CCDC102B: variants seen among roughly 807,000 people sequenced by gnomAD.
The protein encoded by CCDC102B is coiled-coil domain containing 102B, also known as coiled-coil domain-containing protein 102B.
In CCDC102B, 75 loss-of-function variants were observed where a neutral mutation model predicts 57.4. That is an observed-to-expected ratio of 1.31 (90% confidence interval 1.08 to 1.58). The LOEUF (loss-of-function observed/expected upper bound fraction) is 1.58. Ranked by LOEUF, CCDC102B falls within the 40% of genes most tolerant of loss-of-function variation. The pLI is 0.00. For missense variants in CCDC102B, 636 were observed against 582.6 expected (o/e 1.09, Z -0.94); for synonymous variants, 206 against 201.9 (o/e 1.02, Z -0.17).
intron 3 of CCDC102B, among the ~76,000 whole-genome samples, chr18:68,844,363 G>T (rs1019842196): frequency 1.3e-5 from 2 of 150,206 alleles, no homozygotes; most frequent in Non-Finnish European, 3.0e-5. Context: ...TTACACAAAT[G>T]CAGTTAATTA....
intron 6 of CCDC102B, among the ~76,000 whole-genome samples, chr18:68,998,989 T>TAGAG (rs2051116959): frequency 5.3e-5 from 4 of 75,130 alleles, no homozygotes; most frequent in African/African-American, 1.9e-4. Flanking sequence ...TATATATATA[T>TAGAG]ATATATATAT....
At chr18:69,004,334 A>G (rs1007476971) in intron 6 of CCDC102B, among the ~76,000 whole-genome samples, 1 of 152,278 alleles carries the variant, frequency 6.6e-6, no homozygotes, top group East Asian at 1.9e-4. Flanking sequence ...ATGGGACCTC[A>G]GCTGATCCTT....
chr18:68,960,937 T>G (rs770848833), intron 6 of CCDC102B, among the ~76,000 whole-genome samples: 1 of 152,156 alleles, frequency 6.6e-6, no homozygotes, highest in African/African-American at 2.4e-5. Flanking sequence ...TTCCTTAATA[T>G]GATGTGTTAA....
intron 5 of CCDC102B, among the ~76,000 whole-genome samples, chr18:68,891,322 T>C (rs561326603): frequency 2.1e-4 from 32 of 152,348 alleles, no homozygotes; most frequent in African/African-American, 7.7e-4. Context: ...CAAATTGATA[T>C]ATAGTTACTT....
At chr18:68,903,485 G>A (rs2040521196) in intron 6 of CCDC102B, among the ~76,000 whole-genome samples, 1 of 152,072 alleles carries the variant, frequency 6.6e-6, no homozygotes, top group South Asian at 2.1e-4. Flanking sequence ...ATGTAGAATT[G>A]CAATTTCCAG....
At chr18:68,832,004 A>G (rs1405634476) in intron 1 of CCDC102B, among the ~76,000 whole-genome samples, 1 of 152,028 alleles carries the variant, frequency 6.6e-6, no homozygotes, top group Admixed American at 6.6e-5. Flanking sequence ...TATCTATCAT[A>G]ATGGTTGTTT....
chr18:68,997,527 T>C (rs972218856), intron 6 of CCDC102B, among the ~76,000 whole-genome samples: 2 of 152,168 alleles, frequency 1.3e-5, no homozygotes, highest in Non-Finnish European at 2.9e-5. Flanking sequence ...TTATAAAATA[T>C]ACATGTAAAA....
At chr18:69,050,272 G>A (rs750622865) in intron 7 of CCDC102B, among the ~76,000 whole-genome samples, 17 of 152,142 alleles carry the variant, frequency 1.1e-4, no homozygotes, top group African/African-American at 2.7e-4. Flanking sequence ...ATGCTCACGC[G>A]TATCACCCTT....
chr18:68,749,832 A>G (rs1205046207), intron 2 of CCDC102B, among the ~76,000 whole-genome samples: 2 of 152,184 alleles, frequency 1.3e-5, no homozygotes, highest in Non-Finnish European at 2.9e-5. Context: ...AAACCCTAGA[A>G]TAAAACCTAG....
At chr18:68,967,095 A>C (rs150438306) in intron 6 of CCDC102B, among the ~76,000 whole-genome samples, 2 of 152,284 alleles carry the variant, frequency 1.3e-5, no homozygotes, top group Non-Finnish European at 2.9e-5. Context: ...AAACACCTGC[A>C]AGAGCTGAAA....
intron 2 of CCDC102B, among the ~76,000 whole-genome samples, chr18:68,770,513 A>G (rs2034604403): frequency 6.6e-6 from 1 of 152,210 alleles, no homozygotes; most frequent in Non-Finnish European, 1.5e-5. Context: ...CTCTGCTTCC[A>G]TGACGCCAAG....
chr18:68,904,714 A>T (rs942409483), intron 6 of CCDC102B, among the ~76,000 whole-genome samples: 2 of 152,110 alleles, frequency 1.3e-5, no homozygotes, highest in Non-Finnish European at 2.9e-5. Context: ...CACAGAATTG[A>T]ATTTTACCAA....
chr18:69,002,234 G>GC (rs1360465854), intron 6 of CCDC102B, among the ~76,000 whole-genome samples: 9 of 152,108 alleles, frequency 5.9e-5, no homozygotes, highest in African/African-American at 2.2e-4. Flanking sequence ...TTTCTTGCCC[G>GC]CCCGACATGT....
intron 6 of CCDC102B, among the ~76,000 whole-genome samples, chr18:68,934,085 A>G (rs1034744806): frequency 6.6e-6 from 1 of 151,950 alleles, no homozygotes; most frequent in African/African-American, 2.4e-5. Context: ...AATTTCTACT[A>G]TGTCCACATT....
chr18:69,031,354 T>C (rs947410261), intron 7 of CCDC102B, among the ~76,000 whole-genome samples: 4 of 152,130 alleles, frequency 2.6e-5, no homozygotes, highest in Non-Finnish European at 4.4e-5. Context: ...TATAATCCAA[T>C]CATAAAACTT....
chr18:68,959,830 G>A (rs908728521), intron 6 of CCDC102B, among the ~76,000 whole-genome samples: 1 of 152,050 alleles, frequency 6.6e-6, no homozygotes, highest in African/African-American at 2.4e-5. Flanking sequence ...CAAGGACTGA[G>A]GGCTCTTCAT....
At chr18:68,775,169 T>C (rs1022674549) in intron 2 of CCDC102B, among the ~76,000 whole-genome samples, 45 of 151,766 alleles carry the variant, frequency 3.0e-4, no homozygotes, top group African/African-American at 1.1e-3. Flanking sequence ...TATTGACAGA[T>C]ATTTGTGCTA....
chr18:68,847,128 A>G (rs1394068625), intron 4 of CCDC102B, among the ~76,000 whole-genome samples: 4 of 151,770 alleles, frequency 2.6e-5, no homozygotes, highest in African/African-American at 4.8e-5. Context: ...AATAATGACT[A>G]TTTTTACATG....
At chr18:68,839,399 C>T (rs559921746) in intron 3 of CCDC102B, among the ~76,000 whole-genome samples, 14 of 152,290 alleles carry the variant, frequency 9.2e-5, no homozygotes, top group Non-Finnish European at 1.9e-4. Context: ...GGATATTCAT[C>T]TTTGGTCTGA....
Sources: allele counts gnomAD v4.1 joint callset (sites outside exome capture counted in the v4.1 genomes callset), GRCh38; gene constraint gnomAD v4.1.1; transcripts MANE v1.5; gene names NCBI Gene and HGNC (gene_info 2026-07-23, HGNC 2026-07-21).